The following GLRA3 variants were observed in gnomAD, a reference collection of about 807,000 sequenced individuals.
GLRA3 encodes the protein glycine receptor subunit alpha-3.
In GLRA3, 44 loss-of-function variants were observed where a neutral mutation model predicts 60.4. The ratio of observed to expected loss-of-function variants is 0.73; its 90% CI spans 0.57 to 0.94. The LOEUF is 0.94. Ranked by LOEUF, GLRA3 falls within the 40% of genes least tolerant of loss-of-function variation. The probability of loss-of-function intolerance (pLI) is 0.00; values close to 1 mark genes in which losing one functional copy is unlikely to be tolerated. For missense variants in GLRA3, 508 were observed against 564.6 expected (o/e 0.90, Z 1.02); for synonymous variants, 223 against 192.9 (o/e 1.16, Z -1.29).
chr4:174,682,400 G>C (rs1734381550), intron 6 of GLRA3, among the ~76,000 whole-genome samples: 1 of 151,754 alleles, frequency 6.6e-6, no homozygotes, highest in African/African-American at 2.4e-5. Context: ...GGAAAAATTA[G>C]GCAACAAAGC....
chr4:174,785,829 G>A (rs1439183626), intron 2 of GLRA3, among the ~76,000 whole-genome samples: 1 of 152,024 alleles, frequency 6.6e-6, no homozygotes, highest in South Asian at 2.1e-4. Flanking sequence ...GAGTGCAGTG[G>A]CACAACCATA....
chr4:174,690,366 T>C (rs1231447412), intron 5 of GLRA3, among the ~76,000 whole-genome samples: 1 of 152,206 alleles, frequency 6.6e-6, no homozygotes, highest in Non-Finnish European at 1.5e-5. Context: ...TTCACAATAA[T>C]GTATTTAAAT....
At chr4:174,660,690 G>A (rs75374340) in intron 7 of GLRA3, among the ~76,000 whole-genome samples, 2,501 of 152,204 alleles carry the variant, frequency 0.016, 73 homozygotes, top group African/African-American at 0.056. Flanking sequence ...TTACAATGAT[G>A]GTTACTCAGT....
chr4:174,647,760 C>A (rs1732882368), intron 9 of GLRA3, among the ~76,000 whole-genome samples: 1 of 151,988 alleles, frequency 6.6e-6, no homozygotes, highest in African/African-American at 2.4e-5. Context: ...AATATCTTTT[C>A]AACACTTATT....
intron 2 of GLRA3, among the ~76,000 whole-genome samples, chr4:174,780,840 C>G (rs183537147): frequency 1.3e-5 from 2 of 152,124 alleles, no homozygotes; most frequent in African/African-American, 2.4e-5. Flanking sequence ...TACAAAGAGA[C>G]GTAGACACCC....
chr4:174,692,565 A>G (rs937845249), intron 5 of GLRA3, among the ~76,000 whole-genome samples: 15 of 149,262 alleles, frequency 1.0e-4, no homozygotes, highest in African/African-American at 2.0e-4. Flanking sequence ...AGAGGTAGAC[A>G]TGGGAGACCT....
At chr4:174,760,524 T>C (rs1039825703) in intron 3 of GLRA3, among the ~76,000 whole-genome samples, 1 of 131,888 alleles carries the variant, frequency 7.6e-6, no homozygotes, top group Non-Finnish European at 1.7e-5. Context: ...TAATACACAA[T>C]GATTTTTTTT....
chr4:174,733,288 A>ACACTGGAC (rs1457330800), intron 3 of GLRA3, among the ~76,000 whole-genome samples: 1 of 152,190 alleles, frequency 6.6e-6, no homozygotes, highest in Non-Finnish European at 1.5e-5. Flanking sequence ...CTGGCAAAAC[A>ACACTGGAC]CACTGGACCT....
intron 7 of GLRA3, among the ~76,000 whole-genome samples, chr4:174,671,076 T>C (rs1733888090): frequency 6.6e-6 from 1 of 152,064 alleles, no homozygotes; most frequent in South Asian, 2.1e-4. Flanking sequence ...ATTTAAAAAA[T>C]TTAGTTGAAT....
intron 7 of GLRA3, among the ~76,000 whole-genome samples, chr4:174,662,370 C>A (rs1362550088): frequency 6.6e-6 from 1 of 152,096 alleles, no homozygotes; most frequent in Non-Finnish European, 1.5e-5. Flanking sequence ...AAATAAATAT[C>A]CTTACTTCCA....
intron 3 of GLRA3, among the ~76,000 whole-genome samples, chr4:174,753,033 G>A (rs1482323259): frequency 6.6e-6 from 1 of 152,064 alleles, no homozygotes; most frequent in Non-Finnish European, 1.5e-5. Flanking sequence ...CTTCCCTTTT[G>A]TTTTAAAACC....
chr4:174,688,330 T>A (rs1734633776), intron 5 of GLRA3, among the ~76,000 whole-genome samples: 1 of 72,258 alleles, frequency 1.4e-5, no homozygotes, highest in African/African-American at 5.2e-5. Flanking sequence ...TATATATATA[T>A]ATATATATAT....
At chr4:174,669,981 A>C (rs534754729) in intron 7 of GLRA3, among the ~76,000 whole-genome samples, 1 of 152,366 alleles carries the variant, frequency 6.6e-6, no homozygotes, top group Non-Finnish European at 1.5e-5. Flanking sequence ...AGACAAGGAA[A>C]GTACAACCAA....
chr4:174,739,468 T>A (rs1736925986), intron 3 of GLRA3, among the ~76,000 whole-genome samples: 1 of 152,200 alleles, frequency 6.6e-6, no homozygotes, highest in Admixed American at 6.5e-5. Context: ...AGGATGTGAC[T>A]ACGACCCCTT....
At chr4:174,759,280 T>G (rs1737847809) in intron 3 of GLRA3, among the ~76,000 whole-genome samples, 1 of 151,822 alleles carries the variant, frequency 6.6e-6, no homozygotes, top group South Asian at 2.1e-4. Flanking sequence ...TTGGGCAATG[T>G]AAAAAATAAT....
chr4:174,790,249 G>GT (rs1176508999), intron 1 of GLRA3, among the ~76,000 whole-genome samples: 2 of 152,032 alleles, frequency 1.3e-5, no homozygotes, highest in African/African-American at 2.4e-5. Flanking sequence ...GAATGGAAGC[G>GT]TTTTTTCTCC....
intron 7 of GLRA3, among the ~76,000 whole-genome samples, chr4:174,673,381 T>C (rs1733982428): frequency 6.6e-6 from 1 of 152,084 alleles, no homozygotes; most frequent in African/African-American, 2.4e-5. Flanking sequence ...AATAATTGAA[T>C]TATTATTACT....
intron 7 of GLRA3, among the ~76,000 whole-genome samples, chr4:174,674,607 CAGG>C (rs1734040203): frequency 6.6e-6 from 1 of 152,124 alleles, no homozygotes; most frequent in African/African-American, 2.4e-5. Context: ...TCTTATCTTA[CAGG>C]AGATGTATTG....
intron 6 of GLRA3, among the ~76,000 whole-genome samples, chr4:174,677,741 T>A (rs1039721819): frequency 6.6e-6 from 1 of 152,142 alleles, no homozygotes; most frequent in African/African-American, 2.4e-5. Flanking sequence ...CTTGAAAAAA[T>A]ATTTTTCACT....
Sources: allele counts gnomAD v4.1 joint callset (sites outside exome capture counted in the v4.1 genomes callset), GRCh38; gene constraint gnomAD v4.1.1; transcripts MANE v1.5; gene names NCBI Gene and HGNC (gene_info 2026-07-23, HGNC 2026-07-21).